Variants in SYT13 observed in about 807,000 individuals in gnomAD.
SYT13 encodes synaptotagmin 13.
Under a neutral mutation model 38.6 loss-of-function variants are expected in SYT13, and 21 were observed. The ratio of observed to expected loss-of-function variants is 0.54; its 90% confidence interval spans 0.39 to 0.78. SYT13 has a LOEUF of 0.78. Ranked by LOEUF, SYT13 falls within the 30% of genes least tolerant of loss-of-function variation. The probability of loss-of-function intolerance (pLI) is 0.00; values close to 1 mark genes in which losing one functional copy is unlikely to be tolerated. For missense variants in SYT13, 495 were observed against 548.7 expected, an observed-to-expected ratio of 0.90 and a Z score of 0.98; for synonymous variants, 241 against 237.6, an observed-to-expected ratio of 1.01 and a Z score of -0.13.
At chr11:45,279,689 G>A (rs1855049579) in intron 1 of SYT13, among the ~76,000 whole-genome samples, 1 of 152,178 alleles carries the variant, frequency 6.6e-6, no homozygotes, top group African/African-American at 2.4e-5. Flanking sequence ...ATTACTGTAT[G>A]GAAATACTTC....
intron 1 of SYT13, among the ~76,000 whole-genome samples, chr11:45,277,973 T>C (rs972282431): frequency 9.9e-5 from 15 of 152,184 alleles, no homozygotes; most frequent in African/African-American, 3.4e-4. Flanking sequence ...GTTACCACTG[T>C]ATCCTCACTT....
intron 1 of SYT13, among the ~76,000 whole-genome samples, chr11:45,267,136 T>G (rs1314258561): frequency 6.6e-6 from 1 of 152,090 alleles, no homozygotes; most frequent in Admixed American, 6.5e-5. Flanking sequence ...GTCCGTAGAG[T>G]TCAGTTCTGT....
chr11:45,250,655 G>C (rs1854662218), intron 4 of SYT13, among the ~76,000 whole-genome samples: 1 of 152,178 alleles, frequency 6.6e-6, no homozygotes, highest in African/African-American at 2.4e-5. Context: ...ACACTAATTA[G>C]AGAGTGGGCT....
chr11:45,277,738 A>C (rs1051595788), intron 1 of SYT13, among the ~76,000 whole-genome samples: 1 of 152,148 alleles, frequency 6.6e-6, no homozygotes, highest in Non-Finnish European at 1.5e-5. Context: ...TCTAGCTCGC[A>C]GTTTGGCCAT....
intron 5 of SYT13, 106 bp from the exon 6 acceptor site, chr11:45,244,462 G>A: frequency 7.3e-7 from 1 of 1,362,164 alleles, no homozygotes; most frequent in Non-Finnish European, 9.9e-7. Flanking sequence ...CTGGAAAGAT[G>A]CTCAAGAGTT....
intron 1 of SYT13, among the ~76,000 whole-genome samples, chr11:45,263,300 CT>C (rs1854842423): frequency 6.6e-6 from 1 of 152,188 alleles, no homozygotes; most frequent in Non-Finnish European, 1.5e-5. Context: ...AAAACCAAAA[CT>C]TAATTATGTA....
intron 1 of SYT13, among the ~76,000 whole-genome samples, chr11:45,283,534 A>G (rs569932156): frequency 6.6e-6 from 1 of 152,290 alleles, no homozygotes; most frequent in African/African-American, 2.4e-5. Context: ...TCTTTTCTCT[A>G]TTTACTTCAT....
intron 1 of SYT13, among the ~76,000 whole-genome samples, chr11:45,270,296 T>C (rs564859638): frequency 7.2e-5 from 11 of 152,260 alleles, no homozygotes; most frequent in Non-Finnish European, 1.3e-4. Flanking sequence ...TTGAATCCTT[T>C]AGACTTTTTT....
intron 1 of SYT13, among the ~76,000 whole-genome samples, chr11:45,261,392 C>A (rs1565385275): frequency 6.6e-6 from 1 of 151,220 alleles, no homozygotes; most frequent in African/African-American, 2.4e-5. Context: ...GAGATCGAGA[C>A]CATCCTGGCT....
At chr11:45,245,980 C>T (rs550748887) in intron 5 of SYT13, among the ~76,000 whole-genome samples, 1 of 152,280 alleles carries the variant, frequency 6.6e-6, no homozygotes, top group East Asian at 1.9e-4. Context: ...AAAGGTGGGT[C>T]CAGCCAGGTG....
intron 1 of SYT13, among the ~76,000 whole-genome samples, chr11:45,272,757 T>C (rs1854965905): frequency 1.3e-5 from 2 of 152,168 alleles, no homozygotes; most frequent in Non-Finnish European, 2.9e-5. Context: ...CTTTTTGAAA[T>C]GAGAATAACA....
chr11:45,254,136 T>A (rs1565380224), intron 3 of SYT13, 134 bp downstream of exon 3: 1 of 988,942 alleles, frequency 1.0e-6, no homozygotes, highest in Non-Finnish European at 1.4e-6. Flanking sequence ...CTAAGCTCCA[T>A]GTGTTCCAGG....
In SYT13 at chr11:45,281,679, A is replaced by AAG. The variant is rs1554982098; in HGVS notation, c.183+4345_183+4346insCT. Among the ~76,000 whole-genome samples the AAG allele has an allele frequency of 5.2e-4, 78 of 149,528 alleles. 2 individuals carry two copies. Among genetic ancestry groups the AAG allele is most frequent in the Middle Eastern group, 3.4e-3 (1 of 292 alleles). On this transcript the variant is annotated intron_variant, in intron 1 of 5. Transcript: ENST00000020926. ...GAGACTCTGCCTCAAAAAAAAAAAA[A>AAG]AAAAATTGGTGTGGGAACTCCTGCT...
intron 4 of SYT13, among the ~76,000 whole-genome samples, chr11:45,247,155 C>T (rs959138918): frequency 5.3e-5 from 8 of 152,150 alleles, no homozygotes; most frequent in Non-Finnish European, 1.2e-4. Flanking sequence ...TATCCCTGCA[C>T]GCAGCTTTAG....
chr11:45,246,418 AG>A lies in SYT13; in HGVS notation c.940del (p.Leu314SerfsTer18). The stretch of plus-strand genomic sequence containing the variant: ...GAGCTCCTTGGACTGGTTAGAGTGG[AG>A]GTTCTTGGCTTTAATCAGCACCACC... ...LLVVLIKAKN[L>X]HSNQSKELLG... On this transcript the variant is annotated frameshift_variant, in exon 5 of 6. Transcript: ENST00000020926. LOFTEE classifies it high-confidence loss of function. The A allele has an allele frequency of 6.2e-7, 1 of 1,614,002 alleles. No individual in the cohort carries two copies. Among genetic ancestry groups the A allele is most frequent in the Non-Finnish European group, 8.5e-7 (1 of 1,179,988 alleles).
At chr11:45,267,513 G>A (rs1017101146) in intron 1 of SYT13, among the ~76,000 whole-genome samples, 3 of 152,132 alleles carry the variant, frequency 2.0e-5, no homozygotes, top group Non-Finnish European at 4.4e-5. Context: ...GCCTAAGGAC[G>A]CCTTGCTTGG....
rs147597195 is a variant in SYT13 at position 45,244,214 on chromosome 11, A to G, written c.1119T>C (p.Ser373=). ...ELPDDLLQAS[S]VELEVLGQDD... ...CCTGGCCCAGCACTTCCAGCTCCAC[A>G]CTGGAGGCCTGCAGCAGGTCGTCAG... The change falls in exon 6 of 6, where the codon AGT becomes AGC. Residue 373 remains serine, a synonymous_variant. Transcript: ENST00000020926. 38 of 1,613,860 alleles carry G rather than the reference A, an allele frequency of 2.4e-5. No individual in the cohort carries two copies. The highest frequency in any genetic ancestry group is 2.9e-5 in the Non-Finnish European group (34 of 1,180,048).
At chr11:45,273,112 T>C (rs76553526) in intron 1 of SYT13, among the ~76,000 whole-genome samples, 2,797 of 152,240 alleles carry the variant, frequency 0.018, 88 homozygotes, top group African/African-American at 0.063. Context: ...ATAAAGCAGG[T>C]ATTTACAAAT....
chr11:45,275,034 A>G (rs1854993174), intron 1 of SYT13, among the ~76,000 whole-genome samples: 1 of 152,132 alleles, frequency 6.6e-6, no homozygotes, highest in African/African-American at 2.4e-5. Context: ...ACTAAAGGCA[A>G]GCATAGAGAT....
Sources: allele counts gnomAD v4.1 joint callset (sites outside exome capture counted in the v4.1 genomes callset), GRCh38; gene constraint gnomAD v4.1.1; transcripts MANE v1.5; gene names NCBI Gene and HGNC (gene_info 2026-07-23, HGNC 2026-07-21).